GHR: variants seen among roughly 807,000 people sequenced by gnomAD.
GHR encodes GH receptor.
Under a neutral mutation model 67.1 loss-of-function variants are expected in GHR, and 35 were observed. That is an observed-to-expected ratio of 0.52 (90% CI 0.40 to 0.69). The LOEUF (loss-of-function observed/expected upper bound fraction) is 0.69, where lower values mean the gene tolerates loss of function less well. GHR is among the 30% of genes least tolerant of loss of function. The pLI is 0.00. For synonymous variants in GHR, 272 were observed against 269.1 expected (o/e 1.01, Z -0.10); for missense variants, 792 against 764.6 (o/e 1.04, Z -0.42).
chr5:42,573,127 G>C (rs1460084966), intron 2 of GHR, among the ~76,000 whole-genome samples: 1 of 152,160 alleles, frequency 6.6e-6, no homozygotes, highest in Non-Finnish European at 1.5e-5. Context: ...GCATTCTGAT[G>C]AGGATCTTCG....
chr5:42,579,132 TA>T (rs1385635350), intron 2 of GHR, among the ~76,000 whole-genome samples: 6,177 of 79,514 alleles, frequency 0.078, 190 homozygotes, highest in Middle Eastern at 0.11. Flanking sequence ...GATAGATAGA[TA>T]GATAGATGAT....
intron 3 of GHR, among the ~76,000 whole-genome samples, chr5:42,636,559 C>T (rs1219477682): frequency 2.0e-5 from 3 of 151,944 alleles, no homozygotes; most frequent in Non-Finnish European, 2.9e-5. Context: ...CCCGAGAGAG[C>T]CCTAGCTTCT....
intron 1 of GHR, among the ~76,000 whole-genome samples, chr5:42,546,676 A>G (rs1222991384): frequency 6.6e-6 from 1 of 152,232 alleles, no homozygotes; most frequent in African/African-American, 2.4e-5. Context: ...TAAATGTTTT[A>G]TGCAGAAGGA....
intron 1 of GHR, among the ~76,000 whole-genome samples, chr5:42,518,596 C>T (rs760227621): frequency 1.3e-5 from 2 of 152,170 alleles, no homozygotes; most frequent in Admixed American, 1.3e-4. Context: ...GCAGAGTGCC[C>T]AACCTCTCTG....
chr5:42,474,393 G>A (rs1280910409), intron 1 of GHR, among the ~76,000 whole-genome samples: 1 of 151,426 alleles, frequency 6.6e-6, no homozygotes, highest in Non-Finnish European at 1.5e-5. Flanking sequence ...TTCCACAAAG[G>A]CCCCTCTTCT....
chr5:42,439,660 A>T (rs1579700693), intron 1 of GHR, among the ~76,000 whole-genome samples: 2 of 152,260 alleles, frequency 1.3e-5, no homozygotes, highest in Middle Eastern at 6.8e-3. Context: ...TAGGTACTGA[A>T]TTTGGATCAT....
chr5:42,508,596 C>T (rs760511749), intron 1 of GHR, among the ~76,000 whole-genome samples: 8 of 152,144 alleles, frequency 5.3e-5, no homozygotes, highest in East Asian at 1.9e-4. Context: ...TTGTTTTAGA[C>T]GGAGTCTTGC....
At chr5:42,436,077 G>A (rs1352543110) in intron 1 of GHR, among the ~76,000 whole-genome samples, 1 of 152,100 alleles carries the variant, frequency 6.6e-6, no homozygotes, top group African/African-American at 2.4e-5. Flanking sequence ...TATAAAACAG[G>A]ACCCCCTAAA....
chr5:42,685,600 C>T (rs1017892258), intron 3 of GHR, among the ~76,000 whole-genome samples: 1 of 152,186 alleles, frequency 6.6e-6, no homozygotes, highest in Non-Finnish European at 1.5e-5. Context: ...TCCTCTCCAG[C>T]ATCTGTTTTT....
chr5:42,480,480 A>T (rs1323973552), intron 1 of GHR, among the ~76,000 whole-genome samples: 1 of 152,116 alleles, frequency 6.6e-6, no homozygotes, highest in African/African-American at 2.4e-5. Flanking sequence ...TAATGTTGAC[A>T]TTGGGGTGTT....
chr5:42,704,841 A>T (rs1002203112), intron 6 of GHR, among the ~76,000 whole-genome samples: 1 of 151,798 alleles, frequency 6.6e-6, no homozygotes, highest in African/African-American at 2.4e-5. Context: ...TTGTATTTCT[A>T]TGGTATTGGT....
intron 3 of GHR, among the ~76,000 whole-genome samples, chr5:42,637,596 C>T (rs956257318): frequency 2.0e-5 from 3 of 152,132 alleles, no homozygotes; most frequent in African/African-American, 4.8e-5. Context: ...ATGATGATGA[C>T]TTCCACATAC....
At chr5:42,597,155 A>G (rs1407442793) in intron 2 of GHR, among the ~76,000 whole-genome samples, 4 of 152,194 alleles carry the variant, frequency 2.6e-5, no homozygotes, top group Non-Finnish European at 2.9e-5. Context: ...TACTCCCAAC[A>G]TGACCAACTT....
intron 1 of GHR, among the ~76,000 whole-genome samples, chr5:42,560,620 C>T (rs368045062): frequency 1.3e-5 from 2 of 152,146 alleles, no homozygotes; most frequent in East Asian, 3.9e-4. Context: ...CAGTAATGAC[C>T]TCCCTTGTCT....
At chr5:42,507,019 G>A (rs537639935) in intron 1 of GHR, among the ~76,000 whole-genome samples, 6 of 152,134 alleles carry the variant, frequency 3.9e-5, no homozygotes, top group African/African-American at 1.4e-4. Context: ...TATCAAATGG[G>A]TCAGTTGTTA....
At chr5:42,556,364 C>T (rs1749309562) in intron 1 of GHR, among the ~76,000 whole-genome samples, 1 of 152,088 alleles carries the variant, frequency 6.6e-6, no homozygotes, top group East Asian at 1.9e-4. Flanking sequence ...GTCTCCTATA[C>T]CTTATTTATC....
intron 8 of GHR, chr5:42,715,195 G>C (rs1758661463): frequency 3.6e-6 from 1 of 280,518 alleles, no homozygotes; most frequent in East Asian, 1.2e-4. Context: ...TTTTCTGTAG[G>C]AAAGAATTAA....
At chr5:42,426,447 C>T (rs1220310072) in intron 1 of GHR, among the ~76,000 whole-genome samples, 2 of 152,186 alleles carry the variant, frequency 1.3e-5, no homozygotes, top group South Asian at 4.1e-4. Context: ...GAAGATTACA[C>T]TTCTCAGGTC....
At chr5:42,585,812 T>A (rs956477914) in intron 2 of GHR, among the ~76,000 whole-genome samples, 6 of 151,510 alleles carry the variant, frequency 4.0e-5, no homozygotes, top group Non-Finnish European at 8.8e-5. Flanking sequence ...AGGGGAAGAA[T>A]ATCTAAGCTA....
Sources: gnomAD v4.1 joint callset for allele counts (sites outside exome capture counted in the v4.1 genomes callset) on GRCh38, gnomAD v4.1.1 for gene constraint, MANE v1.5 for transcripts, NCBI Gene and HGNC (gene_info 2026-07-23, HGNC 2026-07-21) for gene names.